The following NGF variants were observed in gnomAD, a reference collection of about 807,000 sequenced individuals.
NGF encodes nerve growth factor, also known as beta-nerve growth factor.
Under a neutral mutation model 12.8 loss-of-function variants are expected in NGF, and 4 were observed. That is an observed-to-expected ratio of 0.31 (90% confidence interval 0.15 to 0.72). The LOEUF is 0.72. Ranked by LOEUF, NGF falls within the 30% of genes least tolerant of loss-of-function variation. The pLI is 0.69. For synonymous variants in NGF, 140 were observed against 130.0 expected, an observed-to-expected ratio of 1.08 and a Z score of -0.52; for missense variants, 283 against 330.8, an observed-to-expected ratio of 0.86 and a Z score of 1.12.
intron 1 of NGF, among the ~76,000 whole-genome samples, chr1:115,298,593 G>T (rs1276586633): frequency 1.3e-5 from 2 of 151,830 alleles, no homozygotes; most frequent in African/African-American, 2.4e-5. Context: ...CGGCTGCCCT[G>T]GTATCTTTGA....
intron 1 of NGF, among the ~76,000 whole-genome samples, chr1:115,316,567 T>A (rs1057153639): frequency 6.6e-6 from 1 of 152,198 alleles, no homozygotes; most frequent in Non-Finnish European, 1.5e-5. Context: ...AATAGCCCTA[T>A]GAATAGAGCT....
chr1:115,333,855 C>CT (rs948763139), intron 1 of NGF, among the ~76,000 whole-genome samples: 14 of 131,482 alleles, frequency 1.1e-4, no homozygotes, highest in Non-Finnish European at 1.5e-4. Context: ...TCTTTTCTTT[C>CT]TTTTTTTTCC....
chr1:115,300,189 A>T (rs4076018), intron 1 of NGF, among the ~76,000 whole-genome samples: 38,249 of 152,028 alleles, frequency 0.25, 5,661 homozygotes, highest in African/African-American at 0.42. Flanking sequence ...AACACATAAG[A>T]CTATAATGCG....
intron 1 of NGF, among the ~76,000 whole-genome samples, chr1:115,309,017 C>T (rs563196760): frequency 6.6e-6 from 1 of 152,304 alleles, no homozygotes; most frequent in South Asian, 2.1e-4. Flanking sequence ...ATCAGTTAGG[C>T]TCCATTTAAC....
intron 1 of NGF, among the ~76,000 whole-genome samples, chr1:115,325,306 T>A (rs1328614719): frequency 6.6e-6 from 1 of 152,240 alleles, no homozygotes; most frequent in Middle Eastern, 3.4e-3. Context: ...AGGGTCCAGA[T>A]CGTATAAGGC....
At chr1:115,338,031 C>A (rs1317247475) in intron 1 of NGF, among the ~76,000 whole-genome samples, 173 bp downstream of exon 1, 2 of 152,178 alleles carry the variant, frequency 1.3e-5, no homozygotes, top group African/African-American at 4.8e-5. Context: ...CCCGCGCCCC[C>A]ACACCCACTC....
rs67307707 is a variant in NGF, at chr1:115,337,267, GTTTTTTTTTTTTTTTTTTTTT to G, written c.-137+916_-137+936del. 5.8e-4 allele frequency among the ~76,000 whole-genome samples: 47 copies of G among 81,036 alleles called. 2 individuals carry two copies. The highest frequency in any genetic ancestry group is 8.0e-4 in the South Asian group (2 of 2,496). 53.2% of individuals were successfully genotyped at this position (81,036 alleles called of 152,430 possible). A position where few individuals can be genotyped will look rare whatever the true frequency, so the allele number is the denominator to read the frequency against. ...TCGAAATTTTTTTTGTTTTGTTTTT[GTTTTTTTTTTTTTTTTTTTTT>G]TTTTTTTTTTTTTTTTTAGAAGGAG... On this transcript the variant is annotated intron_variant, in intron 1 of 2. Coordinates refer to ENST00000369512, the MANE Select transcript of NGF (RefSeq NM_002506.3).
At chr1:115,324,622 A>G (rs1237252183) in intron 1 of NGF, among the ~76,000 whole-genome samples, 1 of 152,110 alleles carries the variant, frequency 6.6e-6, no homozygotes, top group Non-Finnish European at 1.5e-5. Context: ...CCTATCACAG[A>G]TTAAAATCCA....
chr1:115,286,074 G>A lies in NGF; in HGVS notation c.722C>T (p.Ala241Val). 6.2e-7 allele frequency: 1 copy of A among 1,613,110 alleles called. No homozygotes were observed. Among genetic ancestry groups the A allele is most frequent in the Non-Finnish European group, 8.5e-7 (1 of 1,179,694 alleles). ...CVLSRKAVRR[A>V] ...GGGAGGGAGCGTGTCGGCAGGTCAG[G>A]CTCTTCTCACAGCCTTCCTGCTGAG... The change falls in exon 3 of 3, where the codon GCC becomes GTC. Residue 241 changes from alanine (A) to valine (V), a missense_variant. Coordinates refer to ENST00000369512, the MANE Select transcript of NGF (RefSeq NM_002506.3).
Position 115,286,258 on chromosome 1 carries a change from G to A in NGF, c.538C>T (p.Arg180Trp), listed in dbSNP as rs1411482109. The change falls in exon 3 of 3, where the codon CGG (arginine) becomes TGG (tryptophan). Residue 180 changes from arginine to tryptophan, a missense_variant. Transcript: ENST00000369512. The part of the protein sequence containing the change: ...FKQYFFETKC[R>W]DPNPVDSGCR... ...CCGCTGTCAACGGGATTTGGGTCCCGGCACTTGGTCTCAAAAAAGTACTGT... is the reference window on the plus strand; with the variant it reads ...CCGCTGTCAACGGGATTTGGGTCCCAGCACTTGGTCTCAAAAAAGTACTGT... 4.3e-6 allele frequency: 7 copies of A among 1,614,010 alleles called. No homozygotes were observed. Among genetic ancestry groups the A allele is most frequent in the African/African-American group, 1.3e-5 (1 of 74,902 alleles).
chr1:115,293,171 A>C (rs1653755268), intron 2 of NGF, among the ~76,000 whole-genome samples: 1 of 152,214 alleles, frequency 6.6e-6, no homozygotes, highest in Admixed American at 6.5e-5. Flanking sequence ...CATCACAGGT[A>C]CACAGCAAAC....
At chr1:115,330,909 C>T (rs1051329320) in intron 1 of NGF, among the ~76,000 whole-genome samples, 1 of 152,080 alleles carries the variant, frequency 6.6e-6, no homozygotes, top group Non-Finnish European at 1.5e-5. Flanking sequence ...TCTGCTGTGG[C>T]CCAGGTCAGG....
At position 115,286,127 on chromosome 1, in the gene NGF, G is replaced by A; in HGVS notation, c.669C>T (p.Ile223=). 1.2e-6 allele frequency: 2 copies of A among 1,613,632 alleles called. No individual in the cohort carries two copies. Among genetic ancestry groups the A allele is most frequent in the Non-Finnish European group, 1.7e-6 (2 of 1,179,654 alleles). The part of the protein sequence containing the change: ...MDGKQAAWRF[I]RIDTACVCVL... ...CACACACACAGGCCGTATCTATCCG[G>A]ATAAACCGCCAGGCAGCCTGCTTGC... The change falls in exon 3 of 3, where the codon ATC becomes ATT. Residue 223 remains isoleucine, a synonymous_variant. Transcript: ENST00000369512.
intron 1 of NGF, among the ~76,000 whole-genome samples, chr1:115,296,992 T>C (rs866797893): frequency 9.2e-5 from 14 of 152,228 alleles, no homozygotes; most frequent in South Asian, 2.1e-4. Flanking sequence ...TGTTCTATTC[T>C]TTCTTACAGG....
intron 1 of NGF, among the ~76,000 whole-genome samples, chr1:115,326,086 G>C (rs765993761): frequency 6.6e-6 from 1 of 152,090 alleles, no homozygotes; most frequent in Non-Finnish European, 1.5e-5. Flanking sequence ...GGGAGGATGA[G>C]ATCATCCAGG....
intron 1 of NGF, among the ~76,000 whole-genome samples, chr1:115,308,869 CATCA>C (rs1408737239): frequency 4.6e-5 from 7 of 152,154 alleles, no homozygotes; most frequent in Admixed American, 6.5e-5. Context: ...ATATACCATT[CATCA>C]GTCAGAGTTG....
In NGF at chr1:115,286,605, G is replaced by C; in HGVS notation, c.191C>G (p.Ala64Gly). The change falls in exon 3 of 3, where the codon GCG becomes GGG. Residue 64 changes from alanine (A) to glycine (G), a missense_variant. Transcript: ENST00000369512. ...CACAGTAATGTTGCGGGTCTGCCCCGCCACGCGTGCAGCTATCGCCGCTGC... is the reference window on the plus strand; with the variant it reads ...CACAGTAATGTTGCGGGTCTGCCCCCCCACGCGTGCAGCTATCGCCGCTGC... Reference protein sequence around the residue: ...APAAAIAARVAGQTRNITVDP... With the variant: ...APAAAIAARVGGQTRNITVDP... 6 of 1,614,180 alleles carry C rather than the reference G, an allele frequency of 3.7e-6. No homozygotes were observed. The highest frequency in any genetic ancestry group is 5.1e-6 in the Non-Finnish European group (6 of 1,180,044).
intron 1 of NGF, among the ~76,000 whole-genome samples, chr1:115,298,013 A>T (rs939046675): frequency 6.6e-6 from 1 of 152,234 alleles, no homozygotes. Flanking sequence ...ATTAAGAGAG[A>T]TTATCAATAA....
intron 1 of NGF, among the ~76,000 whole-genome samples, chr1:115,294,067 C>G (rs1653789540): frequency 6.6e-6 from 1 of 152,226 alleles, no homozygotes; most frequent in East Asian, 1.9e-4. Flanking sequence ...CAGCAGATCC[C>G]TAATCTGGCA....
Sources: gnomAD v4.1 joint callset for allele counts (sites outside exome capture counted in the v4.1 genomes callset) on GRCh38, gnomAD v4.1.1 for gene constraint, MANE v1.5 for transcripts, NCBI Gene and HGNC (gene_info 2026-07-23, HGNC 2026-07-21) for gene names.